The following AEBP2 variants were observed in gnomAD, a reference collection of about 807,000 sequenced individuals.
AEBP2 encodes the protein zinc finger protein AEBP2.
Under a neutral mutation model 50.8 loss-of-function variants are expected in AEBP2, and 10 were observed. The ratio of observed to expected loss-of-function variants is 0.20; its 90% CI spans 0.12 to 0.33. The LOEUF (loss-of-function observed/expected upper bound fraction) is 0.33. Among genes scored for constraint, AEBP2 ranks in the 10% least tolerant of loss-of-function variants. The pLI, the probability that AEBP2 is intolerant of heterozygous loss-of-function variation, is 1.00. For synonymous variants in AEBP2, 296 were observed against 261.3 expected, an observed-to-expected ratio of 1.13 and a Z score of -1.28; for missense variants, 570 against 688.0, an observed-to-expected ratio of 0.83 and a Z score of 1.92.
At chr12:19,494,613 T>C (rs1948943376) in intron 4 of AEBP2, among the ~76,000 whole-genome samples, 2 of 147,990 alleles carry the variant, frequency 1.4e-5, no homozygotes, top group African/African-American at 5.0e-5. Flanking sequence ...ACTCCCGACC[T>C]CAGGTGATTG....
intron 3 of AEBP2, among the ~76,000 whole-genome samples, chr12:19,478,055 G>T (rs1948675973): frequency 6.6e-6 from 1 of 152,066 alleles, no homozygotes; most frequent in African/African-American, 2.4e-5. Context: ...TTCTAATTGG[G>T]CTTATTTAGA....
At chr12:19,404,599 C>G (rs547963521) in intron 1 of AEBP2, among the ~76,000 whole-genome samples, 2 of 152,274 alleles carry the variant, frequency 1.3e-5, no homozygotes, top group Admixed American at 1.3e-4. Context: ...AACACCGGCT[C>G]CTATCCGCCA....
intron 5 of AEBP2, among the ~76,000 whole-genome samples, chr12:19,505,151 G>C (rs1247833993): frequency 2.0e-5 from 3 of 152,200 alleles, no homozygotes; most frequent in Non-Finnish European, 4.4e-5. Flanking sequence ...ATTCAGCAAG[G>C]TTAGAGCCTT....
intron 1 of AEBP2, among the ~76,000 whole-genome samples, chr12:19,413,874 G>GT (rs368081126): frequency 0.024 from 3,594 of 146,966 alleles, 49 homozygotes; most frequent in East Asian, 0.047. Flanking sequence ...TTTTATCAAG[G>GT]TTTTTTTTTT....
At chr12:19,444,103 T>G (rs1379530692) in intron 1 of AEBP2, among the ~76,000 whole-genome samples, 5 of 152,186 alleles carry the variant, frequency 3.3e-5, no homozygotes, top group African/African-American at 1.2e-4. Context: ...CTGAAGTACT[T>G]TTTAAAAAAG....
intron 1 of AEBP2, among the ~76,000 whole-genome samples, chr12:19,449,546 T>G (rs1342559719): frequency 6.6e-6 from 1 of 152,252 alleles, no homozygotes; most frequent in Non-Finnish European, 1.5e-5. Context: ...ATTTCATCAT[T>G]GTTGCATAAA....
At chr12:19,484,482 C>G (rs770664219) in intron 3 of AEBP2, among the ~76,000 whole-genome samples, 1 of 151,874 alleles carries the variant, frequency 6.6e-6, no homozygotes, top group African/African-American at 2.4e-5. Context: ...TCAAGTGATT[C>G]TCCTGCCTCA....
intron 1 of AEBP2, among the ~76,000 whole-genome samples, chr12:19,448,358 G>T (rs1422800201): frequency 6.6e-6 from 1 of 152,134 alleles, no homozygotes; most frequent in Non-Finnish European, 1.5e-5. Flanking sequence ...TTAGGCGCAT[G>T]CCTGTAATCC....
rs762874575 is a variant in AEBP2, at chr12:19,440,308, G to A, written c.609G>A (p.Arg203=). 3.4e-6 allele frequency: 5 copies of A among 1,467,792 alleles called. No individual in the cohort carries two copies. Among genetic ancestry groups the A allele is most frequent in the Non-Finnish European group, 4.5e-6 (5 of 1,118,092 alleles). The allele number at this position is 1,467,792 out of a possible 1,614,324, so 90.9% of individuals were successfully genotyped here. ...GAAGCAGCGCGACCTCCGGGGGCCG[G>A]CGGGGCAGCTTGGAGATGTCGTCGG... The part of the protein sequence containing the change: ...GGGSSATSGG[R]RGSLEMSSDG... The change falls in exon 1 of 8, where the codon CGG becomes CGA. Residue 203 remains arginine (R), a synonymous_variant. Transcript: ENST00000266508.
intron 1 of AEBP2, among the ~76,000 whole-genome samples, chr12:19,428,590 T>C (rs1191724234): frequency 6.6e-6 from 1 of 152,064 alleles, no homozygotes; most frequent in Admixed American, 6.6e-5. Context: ...GGTGGGCGGA[T>C]CACCTGATGT....
Position 19,440,461 on chromosome 12 carries a change from C to T in AEBP2, c.671+91C>T, listed in dbSNP as rs544883895. ...ACCAAGGCGACGTTTTGCCGCGATC[C>T]CCCTGCTCCCCGAATCCTCGGCCCC... On this transcript the variant is annotated intron_variant, in intron 1 of 7. Transcript: ENST00000266508. 85 of 1,415,742 alleles carry T rather than the reference C, an allele frequency of 6.0e-5. 1 individual carries two copies. In the South Asian group the frequency reaches 1.1e-3, roughly 18 times the overall value. 87.7% of individuals were successfully genotyped at this position (1,415,742 alleles called of 1,614,324 possible).
At chr12:19,440,773 A>G (rs1350448884) in intron 1 of AEBP2, 117 of 1,532,482 alleles carry the variant, frequency 7.6e-5, no homozygotes, top group Middle Eastern at 2.2e-4. Context: ...CAGAACTACA[A>G]TTGACAAGTG....
intron 5 of AEBP2, chr12:19,509,037 C>T: frequency 3.4e-6 from 2 of 582,810 alleles, no homozygotes; most frequent in South Asian, 3.0e-5. Flanking sequence ...CCAAAATCTG[C>T]ATGTGGCATG....
rs1949370763 is a variant in AEBP2, at chr12:19,519,626, G to A, written c.*1509G>A. On this transcript the variant is annotated 3_prime_UTR_variant, in exon 8 of 8. Coordinates refer to ENST00000266508, the MANE Select transcript of AEBP2 (RefSeq NM_153207.5). ...GTTGAGGAGTTTTCACTTTACTACA[G>A]TGATATAAAAACCAGCAGTTTTTAC... 6.6e-6 allele frequency: 1 copy of A among 152,584 alleles called. No homozygotes were observed. Among genetic ancestry groups the A allele is most frequent in the Non-Finnish European group, 1.5e-5 (1 of 67,996 alleles). 9.5% of individuals were successfully genotyped at this position (152,584 alleles called of 1,614,324 possible).
At chr12:19,411,638 C>T (rs1168467631) in intron 1 of AEBP2, among the ~76,000 whole-genome samples, 1 of 152,166 alleles carries the variant, frequency 6.6e-6, no homozygotes, top group African/African-American at 2.4e-5. Flanking sequence ...ATAATACATA[C>T]TTGTTATTAT....
intron 1 of AEBP2, among the ~76,000 whole-genome samples, chr12:19,416,577 G>T (rs1466101902): frequency 1.4e-5 from 2 of 145,142 alleles, no homozygotes; most frequent in African/African-American, 2.5e-5. Context: ...AGCTAATTTT[G>T]TATTTTTAGT....
At chr12:19,409,288 C>T (rs530479257) in intron 1 of AEBP2, among the ~76,000 whole-genome samples, 25 of 151,756 alleles carry the variant, frequency 1.6e-4, no homozygotes, top group Middle Eastern at 3.4e-3. Context: ...TTAGGCATAA[C>T]TATTCCCTTT....
chr12:19,518,382 T>A lies in AEBP2; in HGVS notation c.*265T>A. The A allele has an allele frequency of 8.1e-7, 1 of 1,231,054 alleles. No individual in the cohort carries two copies. The highest frequency in any genetic ancestry group is 1.0e-6 in the Non-Finnish European group (1 of 985,742). The allele number at this position is 1,231,054 out of a possible 1,614,324, so 76.3% of individuals were successfully genotyped here. Reference sequence around the variant, plus strand: ...GTGGGAGACTGAGCAAACACTCTTTTGGCAACTTAGTAGAACAGCTTCTTA... The same window carrying A: ...GTGGGAGACTGAGCAAACACTCTTTAGGCAACTTAGTAGAACAGCTTCTTA... On this transcript the variant is annotated 3_prime_UTR_variant, in exon 8 of 8. Transcript: ENST00000266508.
intron 1 of AEBP2, among the ~76,000 whole-genome samples, chr12:19,452,907 A>G (rs937549976): frequency 2.0e-5 from 3 of 150,770 alleles, no homozygotes; most frequent in African/African-American, 7.3e-5. Context: ...TATCATTGTA[A>G]TGTTTACCTA....
Sources: allele counts gnomAD v4.1 joint callset (sites outside exome capture counted in the v4.1 genomes callset), GRCh38; gene constraint gnomAD v4.1.1; transcripts MANE v1.5; gene names NCBI Gene and HGNC (gene_info 2026-07-23, HGNC 2026-07-21).